DCDC1: variants seen among roughly 807,000 people sequenced by gnomAD.
The protein encoded by DCDC1 is doublecortin domain-containing protein 1.
DCDC1 carries 200 observed loss-of-function variants against 178.3 expected under a neutral mutation model. The ratio of observed to expected loss-of-function variants is 1.12; its 90% CI spans 1.00 to 1.26. The LOEUF is 1.26. DCDC1 is among the 50% of genes most tolerant of loss of function. DCDC1 has a pLI of 0.00. For missense variants in DCDC1, 1,983 were observed against 1,749.2 expected, an observed-to-expected ratio of 1.13 and a Z score of -2.38; for synonymous variants, 690 against 604.8, an observed-to-expected ratio of 1.14 and a Z score of -2.07.
intron 20 of DCDC1, among the ~76,000 whole-genome samples, chr11:31,036,496 GCC>G (rs1954035449): frequency 6.6e-6 from 1 of 152,108 alleles, no homozygotes; most frequent in Non-Finnish European, 1.5e-5. Context: ...TAATAGCAGT[GCC>G]TTCTCTACCT....
Position 30,916,960 on chromosome 11 carries a change from T to G in DCDC1, c.3362A>C (p.Glu1121Ala). 6.2e-7 allele frequency: 1 copy of G among 1,611,486 alleles called. No homozygotes were observed. Among genetic ancestry groups the G allele is most frequent in the Non-Finnish European group, 8.5e-7 (1 of 1,178,854 alleles). ...ATCCTCATCAAAGTCATGTGAAGTT[T>G]CCTGCCAGGCATACCTGGGAAGTGT... Reference protein sequence around the residue: ...CHTLPRYAWQETSHDFDEDDS... With the variant: ...CHTLPRYAWQATSHDFDEDDS... Residue 1121 changes from glutamate to alanine, a missense_variant, in exon 26 of 39, where the codon GAA (glutamate) becomes GCA (alanine). By Grantham distance (107) the Glu-to-Ala change is moderately radical (BLOSUM62 -1). Transcript: ENST00000684477.
intron 21 of DCDC1, among the ~76,000 whole-genome samples, chr11:30,932,928 A>C (rs565622217): frequency 6.6e-6 from 1 of 151,972 alleles, no homozygotes; most frequent in African/African-American, 2.4e-5. Context: ...GTGTGAAAGA[A>C]GAGTAAATGC....
At chr11:31,179,682 G>A (rs80256002) in intron 9 of DCDC1, among the ~76,000 whole-genome samples, 3,123 of 152,192 alleles carry the variant, frequency 0.021, 94 homozygotes, top group African/African-American at 0.07. Context: ...GGATTGGATG[G>A]CCTCACTGCT....
rs924564480 is a variant in DCDC1, at chr11:31,358,320, G to A, written c.-125+11377C>T. Among the ~76,000 whole-genome samples, 51 of 152,150 alleles carry A rather than the reference G, an allele frequency of 3.4e-4. 1 individual carries two copies. Among genetic ancestry groups the A allele is most frequent in the African/African-American group, 1.0e-3 (43 of 41,506 alleles). The stretch of plus-strand genomic sequence containing the variant: ...GTATCTGATCTTTGACAAACCTGAG[G>A]AAAACAAGCAATGGGGAAAGGATTC... On this transcript the variant is annotated intron_variant, in intron 1 of 38. Coordinates refer to ENST00000684477, the MANE Select transcript of DCDC1 (RefSeq NM_001387274.1).
chr11:30,917,710 TG>T (rs1945950808), intron 25 of DCDC1, among the ~76,000 whole-genome samples: 1 of 152,196 alleles, frequency 6.6e-6, no homozygotes, highest in Non-Finnish European at 1.5e-5. Flanking sequence ...TTGCCTTCAG[TG>T]GGATTGTGAT....
chr11:31,029,550 G>C (rs1267561214), intron 20 of DCDC1, among the ~76,000 whole-genome samples: 1 of 151,888 alleles, frequency 6.6e-6, no homozygotes, highest in African/African-American at 2.4e-5. Flanking sequence ...TTTTTAAATT[G>C]ACATTATTTT....
At chr11:30,888,465 C>T (rs1031146021) in intron 36 of DCDC1, among the ~76,000 whole-genome samples, 5 of 152,222 alleles carry the variant, frequency 3.3e-5, no homozygotes, top group Non-Finnish European at 5.9e-5. Flanking sequence ...CGCCTGTAAT[C>T]CCAGCACTTT....
intron 20 of DCDC1, among the ~76,000 whole-genome samples, chr11:31,044,572 C>A (rs982806605): frequency 6.6e-6 from 1 of 151,870 alleles, no homozygotes; most frequent in Non-Finnish European, 1.5e-5. Context: ...ACATGGGTAC[C>A]CTCTAGGAAC....
intron 20 of DCDC1, among the ~76,000 whole-genome samples, chr11:31,050,341 G>T (rs1412335279): frequency 6.6e-6 from 1 of 152,126 alleles, no homozygotes; most frequent in Non-Finnish European, 1.5e-5. Flanking sequence ...TACAGCAGCT[G>T]CAGCAAGACC....
chr11:31,067,581 CT>C (rs1433051060), intron 18 of DCDC1, among the ~76,000 whole-genome samples: 1 of 152,052 alleles, frequency 6.6e-6, no homozygotes, highest in African/African-American at 2.4e-5. Flanking sequence ...CACACAAAAA[CT>C]TCCATACCAA....
chr11:31,147,997 G>A (rs538313342), intron 9 of DCDC1, among the ~76,000 whole-genome samples: 15 of 152,222 alleles, frequency 9.9e-5, no homozygotes, highest in African/African-American at 3.4e-4. Flanking sequence ...CCCTTAGCTC[G>A]CAGAGCACAG....
At chr11:31,140,121 C>A (rs1963634919) in intron 9 of DCDC1, among the ~76,000 whole-genome samples, 1 of 152,142 alleles carries the variant, frequency 6.6e-6, no homozygotes, top group Non-Finnish European at 1.5e-5. Flanking sequence ...TGGTAAGATT[C>A]TTCTCTCCTG....
At chr11:31,148,210 TAAAAA>T (rs55829692) in intron 9 of DCDC1, among the ~76,000 whole-genome samples, 5 of 95,676 alleles carry the variant, frequency 5.2e-5, no homozygotes, top group Admixed American at 2.3e-4. Context: ...TTTATTATTA[TAAAAA>T]AAAAAAAAAA....
chr11:31,311,922 C>T (rs1385686415), intron 3 of DCDC1, among the ~76,000 whole-genome samples: 1 of 152,156 alleles, frequency 6.6e-6, no homozygotes, highest in Admixed American at 6.6e-5. Context: ...TCTCTGCTGC[C>T]ACGACCAGTC....
intron 17 of DCDC1, among the ~76,000 whole-genome samples, chr11:31,085,177 TA>T (rs375247777): frequency 0.039 from 5,837 of 149,824 alleles, 286 homozygotes; most frequent in African/African-American, 0.12. Flanking sequence ...TTTTTTTTTT[TA>T]AAAAAAACTG....
chr11:30,991,945 T>TA (rs1357723328), intron 20 of DCDC1, among the ~76,000 whole-genome samples: 2 of 152,150 alleles, frequency 1.3e-5, no homozygotes, highest in Non-Finnish European at 2.9e-5. Context: ...TTCACCCACA[T>TA]ATGTAATATT....
chr11:31,315,183 A>G (rs1411041064), intron 3 of DCDC1, among the ~76,000 whole-genome samples: 2 of 152,094 alleles, frequency 1.3e-5, no homozygotes, highest in African/African-American at 4.8e-5. Context: ...ACTCCTAGTA[A>G]AATCATACTT....
In DCDC1 at chr11:31,265,507, CT is replaced by C; in HGVS notation, c.1053del (p.Val352PhefsTer47). On this transcript the variant is annotated frameshift_variant and splice_region_variant, in exon 8 of 39. Transcript: ENST00000684477. LOFTEE classifies it high-confidence loss of function. The stretch of plus-strand genomic sequence containing the variant: ...GGTTTACAAAATCTTTGCCACTTAC[CT>C]TTTGAAATATCTTCAATTTTTCTGC... ...LYGRKIEDIS[K>X]VPLLEKCLQN... 2.1e-6 allele frequency: 3 copies of C among 1,405,374 alleles called. No individual in the cohort carries two copies. The highest frequency in any genetic ancestry group is 2.8e-6 in the Non-Finnish European group (3 of 1,064,294). 87.1% of individuals were successfully genotyped at this position (1,405,374 alleles called of 1,614,324 possible).
intron 9 of DCDC1, among the ~76,000 whole-genome samples, chr11:31,231,414 G>A (rs1271502571): frequency 6.6e-6 from 1 of 152,112 alleles, no homozygotes; most frequent in East Asian, 1.9e-4. Context: ...TACACCACAA[G>A]GTGATATGCC....
Sources: gnomAD v4.1 joint callset for allele counts (sites outside exome capture counted in the v4.1 genomes callset) on GRCh38, gnomAD v4.1.1 for gene constraint, MANE v1.5 for transcripts, NCBI Gene and HGNC (gene_info 2026-07-23, HGNC 2026-07-21) for gene names.